Variants in ROBO2 observed in about 807,000 individuals in gnomAD.
The protein encoded by ROBO2 is roundabout homolog 2.
In ROBO2, 53 loss-of-function variants were observed where a neutral mutation model predicts 160.8. That is an observed-to-expected ratio of 0.33 (90% CI 0.26 to 0.41). ROBO2 has a LOEUF of 0.41. Ranked by LOEUF, ROBO2 falls within the 10% of genes least tolerant of loss-of-function variation. The pLI is 1.00. For synonymous variants in ROBO2, 664 were observed against 611.7 expected (o/e 1.09, Z -1.26); for missense variants, 1,577 against 1,722.4 (o/e 0.92, Z 1.49).
At chr3:77,085,461 T>C (rs1331020410) in intron 1 of ROBO2, among the ~76,000 whole-genome samples, 1 of 152,118 alleles carries the variant, frequency 6.6e-6, no homozygotes, top group Non-Finnish European at 1.5e-5. Context: ...CACTTAACAA[T>C]TTAGGTGTAT....
intron 2 of ROBO2, among the ~76,000 whole-genome samples, chr3:76,459,677 A>G (rs549162840): frequency 4.6e-5 from 7 of 152,312 alleles, no homozygotes; most frequent in South Asian, 2.1e-4. Context: ...ATGTAATAAG[A>G]CATATACTCC....
intron 2 of ROBO2, among the ~76,000 whole-genome samples, chr3:77,200,282 T>C (rs1201401811): frequency 2.4e-5 from 1 of 41,918 alleles, no homozygotes; most frequent in African/African-American, 1.4e-4. Context: ...TATATATATA[T>C]ATATATATAT....
chr3:77,058,825 G>A (rs993755835), intron 1 of ROBO2, among the ~76,000 whole-genome samples: 10 of 151,876 alleles, frequency 6.6e-5, no homozygotes, highest in African/African-American at 1.5e-4. Context: ...GAGGCAAGCC[G>A]CCACACCTGG....
intron 20 of ROBO2, among the ~76,000 whole-genome samples, chr3:77,605,987 T>A (rs893267209): frequency 3.3e-5 from 5 of 152,322 alleles, no homozygotes; most frequent in Admixed American, 2.0e-4. Context: ...GTTCTGATAC[T>A]ACAACAGAAG....
intron 6 of ROBO2, among the ~76,000 whole-genome samples, chr3:77,523,822 G>C (rs1156863246): frequency 6.6e-6 from 1 of 151,298 alleles, no homozygotes; most frequent in Non-Finnish European, 1.5e-5. Flanking sequence ...GTGATAAAGA[G>C]ATTGGCTGCA....
intron 2 of ROBO2, among the ~76,000 whole-genome samples, chr3:76,808,813 T>C (rs1179817148): frequency 6.6e-6 from 1 of 152,050 alleles, no homozygotes; most frequent in African/African-American, 2.4e-5. Flanking sequence ...TAGCCAAGTA[T>C]AGTCATTATA....
chr3:76,273,017 A>G (rs1443083577), intron 2 of ROBO2, among the ~76,000 whole-genome samples: 62 of 97,906 alleles, frequency 6.3e-4, no homozygotes, highest in South Asian at 1.8e-3. Flanking sequence ...AAAATATATT[A>G]TATATAATAT....
chr3:77,496,678 T>C (rs2086829651), intron 5 of ROBO2, among the ~76,000 whole-genome samples: 1 of 152,136 alleles, frequency 6.6e-6, no homozygotes, highest in Non-Finnish European at 1.5e-5. Context: ...GGCAGCTGCA[T>C]AGCCTGTAAT....
At chr3:76,615,100 G>T (rs1173223022) in intron 2 of ROBO2, among the ~76,000 whole-genome samples, 1 of 151,982 alleles carries the variant, frequency 6.6e-6, no homozygotes, top group East Asian at 1.9e-4. Context: ...TAGACCAATG[G>T]TTTTTTGATT....
intron 2 of ROBO2, among the ~76,000 whole-genome samples, chr3:76,766,771 T>G (rs2108449544): frequency 6.6e-6 from 1 of 151,572 alleles, no homozygotes; most frequent in Admixed American, 6.6e-5. Flanking sequence ...GAACAATAGC[T>G]AACGATTTAC....
At chr3:76,002,527 G>A (rs1258744506) in intron 2 of ROBO2, among the ~76,000 whole-genome samples, 1 of 152,132 alleles carries the variant, frequency 6.6e-6, no homozygotes, top group African/African-American at 2.4e-5. Context: ...CACAAGATCT[G>A]TTGGTTTGAT....
chr3:76,529,657 T>C (rs2082123049), intron 2 of ROBO2, among the ~76,000 whole-genome samples: 2 of 152,192 alleles, frequency 1.3e-5, no homozygotes. Flanking sequence ...TTCTATACAA[T>C]TAGTCAACTT....
At chr3:75,951,478 T>G (rs1948533813) in intron 2 of ROBO2, among the ~76,000 whole-genome samples, 1 of 152,074 alleles carries the variant, frequency 6.6e-6, no homozygotes, top group Non-Finnish European at 1.5e-5. Flanking sequence ...AGCCATTGAT[T>G]AAATTTGGCT....
chr3:76,188,022 A>T (rs556506596), intron 2 of ROBO2, among the ~76,000 whole-genome samples: 1 of 152,216 alleles, frequency 6.6e-6, no homozygotes, highest in African/African-American at 2.4e-5. Flanking sequence ...CTGTGCACTC[A>T]GATTGCAAAG....
At chr3:77,628,595 C>T (rs2095087365) in intron 23 of ROBO2, among the ~76,000 whole-genome samples, 1 of 152,084 alleles carries the variant, frequency 6.6e-6, no homozygotes, top group Non-Finnish European at 1.5e-5. Flanking sequence ...ATTCTAACAT[C>T]TTATATACTA....
At chr3:75,984,142 C>T (rs1252426457) in intron 2 of ROBO2, among the ~76,000 whole-genome samples, 1 of 151,468 alleles carries the variant, frequency 6.6e-6, no homozygotes. Context: ...TAGTATTACT[C>T]AACAGGTCCA....
rs73843445 is a variant in ROBO2, at chr3:77,018,537, T to C, written c.110-79477T>C. Among the ~76,000 whole-genome samples the C allele has an allele frequency of 4.7e-3, 711 of 152,330 alleles. 3 individuals are homozygous for C. Among genetic ancestry groups the C allele is most frequent in the African/African-American group, 0.016 (676 of 41,572 alleles). On this transcript the variant is annotated intron_variant, in intron 2 of 26. Transcript: ENST00000487694. ...ATATCCTCTTAACACAGTATTTGAATTCCTTGAACTCTAAAAGTACTAAAA... is the reference window on the plus strand; with the variant it reads ...ATATCCTCTTAACACAGTATTTGAACTCCTTGAACTCTAAAAGTACTAAAA...
intron 2 of ROBO2, among the ~76,000 whole-genome samples, chr3:76,965,785 G>GTGTATATATATATATATATA (rs1424338840): frequency 2.9e-4 from 38 of 129,188 alleles, no homozygotes; most frequent in African/African-American, 1.2e-3. Context: ...TTGTGTTTGT[G>GTGTATATATATATATATATA]TATATATATA....
At chr3:77,100,159 T>C (rs573594856) in intron 2 of ROBO2, among the ~76,000 whole-genome samples, 3 of 152,228 alleles carry the variant, frequency 2.0e-5, no homozygotes, top group South Asian at 4.1e-4. Flanking sequence ...TTTTAAACCA[T>C]GATTTTTGTG....
Sources: allele counts gnomAD v4.1 joint callset (sites outside exome capture counted in the v4.1 genomes callset), GRCh38; gene constraint gnomAD v4.1.1; transcripts MANE v1.5; gene names NCBI Gene and HGNC (gene_info 2026-07-23, HGNC 2026-07-21).